PKN2: variants seen among roughly 807,000 people sequenced by gnomAD.
The protein encoded by PKN2 is serine/threonine-protein kinase N2.
A neutral mutation model predicts 119.1 loss-of-function variants in PKN2; 38 were observed. That is an observed-to-expected ratio of 0.32 (90% confidence interval 0.25 to 0.42). The LOEUF (loss-of-function observed/expected upper bound fraction) is 0.42, where lower values mean the gene tolerates loss of function less well. PKN2 is among the 10% of genes least tolerant of loss of function. PKN2 has a pLI of 1.00. For missense variants in PKN2, 850 were observed against 1,165.1 expected (o/e 0.73, Z 3.94); for synonymous variants, 390 against 384.9 (o/e 1.01, Z -0.15).
chr1:88,762,642 T>G (rs1006807673), intron 3 of PKN2, among the ~76,000 whole-genome samples: 2 of 152,218 alleles, frequency 1.3e-5, no homozygotes, highest in African/African-American at 4.8e-5. Flanking sequence ...TATAATATCC[T>G]GCTTTTAAGA....
intron 6 of PKN2, among the ~76,000 whole-genome samples, chr1:88,777,238 TTC>T (rs1451975989): frequency 2.6e-5 from 4 of 152,118 alleles, no homozygotes; most frequent in Admixed American, 6.5e-5. Flanking sequence ...ATTCCAGAAT[TTC>T]TGTTTGGTTC....
chr1:88,755,365 G>A (rs140776449), intron 2 of PKN2, among the ~76,000 whole-genome samples: 100 of 152,146 alleles, frequency 6.6e-4, no homozygotes, highest in African/African-American at 2.2e-3. Context: ...TGACAGCAGT[G>A]TTTCTCTGAT....
At chr1:88,797,658 A>C (rs1235236397) in intron 8 of PKN2, among the ~76,000 whole-genome samples, 1 of 148,330 alleles carries the variant, frequency 6.7e-6, no homozygotes, top group African/African-American at 2.4e-5. Context: ...AAAAAGAGAG[A>C]GAATGTCTTC....
At chr1:88,692,327 A>T (rs115287883) in intron 1 of PKN2, among the ~76,000 whole-genome samples, 2 of 152,096 alleles carry the variant, frequency 1.3e-5, no homozygotes, top group Non-Finnish European at 2.9e-5. Flanking sequence ...CAAAGATCCT[A>T]TGGACAGTCT....
At chr1:88,797,883 C>G (rs1422009376) in intron 8 of PKN2, among the ~76,000 whole-genome samples, 6 of 152,060 alleles carry the variant, frequency 3.9e-5, no homozygotes, top group Admixed American at 2.6e-4. Flanking sequence ...AATCCCAGCA[C>G]TTTGGGAGGC....
rs758257960 is a variant in PKN2 at position 88,804,810 on chromosome 1, C to G, written c.1426-36C>G. 5.4e-6 allele frequency: 6 copies of G among 1,109,224 alleles called. No individual in the cohort carries two copies. In the South Asian group the frequency reaches 8.2e-5, roughly 15 times the overall value. The allele number at this position is 1,109,224 out of a possible 1,614,324, so 68.7% of individuals were successfully genotyped here. ...AATTTAGTAGATTTCATGAACCATG[C>G]TATTTTCATGTCAACTTGAATTTTC... On this transcript the variant is annotated intron_variant, in intron 9 of 21. Transcript: ENST00000370521.
At chr1:88,755,387 G>A (rs1557589693) in intron 2 of PKN2, among the ~76,000 whole-genome samples, 3 of 151,950 alleles carry the variant, frequency 2.0e-5, no homozygotes. Flanking sequence ...TCTAATTGGG[G>A]AAAAAAAGTG....
chr1:88,800,535 A>G (rs1671261646), intron 8 of PKN2, among the ~76,000 whole-genome samples: 1 of 152,142 alleles, frequency 6.6e-6, no homozygotes, highest in African/African-American at 2.4e-5. Context: ...GGAATATGGA[A>G]TATTCTAATG....
At chr1:88,802,820 T>C (rs1206418151) in intron 8 of PKN2, among the ~76,000 whole-genome samples, 1 of 152,186 alleles carries the variant, frequency 6.6e-6, no homozygotes, top group Non-Finnish European at 1.5e-5. Context: ...AAGTATTAAT[T>C]CTGTCTCTAG....
At chr1:88,796,966 A>C (rs1448578600) in intron 8 of PKN2, among the ~76,000 whole-genome samples, 1 of 151,974 alleles carries the variant, frequency 6.6e-6, no homozygotes, top group Non-Finnish European at 1.5e-5. Context: ...AAAGAATACA[A>C]CACACTCTAG....
At chr1:88,703,199 A>G (rs1372127156) in intron 1 of PKN2, among the ~76,000 whole-genome samples, 2 of 152,058 alleles carry the variant, frequency 1.3e-5, no homozygotes, top group East Asian at 1.9e-4. Context: ...CTGAGCAACC[A>G]AAGTTTTTTT....
chr1:88,784,268 C>T (rs1000880728), intron 6 of PKN2, among the ~76,000 whole-genome samples: 1 of 151,140 alleles, frequency 6.6e-6, no homozygotes, highest in African/African-American at 2.4e-5. Context: ...GGACTACAGG[C>T]GCACACCGCC....
At chr1:88,767,767 G>A (rs915081653) in intron 3 of PKN2, among the ~76,000 whole-genome samples, 1 of 152,146 alleles carries the variant, frequency 6.6e-6, no homozygotes, top group South Asian at 2.1e-4. Context: ...TCATAAATAT[G>A]CAATTATTTT....
chr1:88,771,696 T>C lies in PKN2; in HGVS notation c.802T>C (p.Leu268=), dbSNP rs368591525. Residue 268 remains leucine (L), a synonymous_variant, in exon 6 of 22, where the codon TTG becomes CTG. Coordinates refer to ENST00000370521, the MANE Select transcript of PKN2 (RefSeq NM_006256.4). The stretch of plus-strand genomic sequence containing the variant: ...AAGATTTAATGAATCAAGTCAGAAG[T>C]TGGACCTTTTAAAGTATTCATTAGA... ...QARFNESSQK[L]DLLKYSLEQR... 21 of 1,613,900 alleles carry C rather than the reference T, an allele frequency of 1.3e-5. No individual in the cohort carries two copies. The African/African-American group carries it at 2.4e-4, about 18-fold the overall frequency.
At chr1:88,750,792 C>T (rs1344198932) in intron 2 of PKN2, among the ~76,000 whole-genome samples, 2 of 152,032 alleles carry the variant, frequency 1.3e-5, no homozygotes, top group East Asian at 1.9e-4. Flanking sequence ...CCTTTTTTCC[C>T]CACCTTCAAC....
intron 8 of PKN2, among the ~76,000 whole-genome samples, chr1:88,799,355 T>C (rs144966281): frequency 1.0e-3 from 152 of 152,354 alleles, no homozygotes; most frequent in African/African-American, 3.6e-3. Flanking sequence ...TTGTCACATT[T>C]GTTCCAGCTG....
chr1:88,728,032 T>TG (rs1667968129), intron 1 of PKN2, among the ~76,000 whole-genome samples: 1 of 151,352 alleles, frequency 6.6e-6, no homozygotes, highest in South Asian at 2.1e-4. Context: ...TTTTTTTTTT[T>TG]TTATTCTTTG....
At chr1:88,792,976 G>A (rs990019279) in intron 8 of PKN2, among the ~76,000 whole-genome samples, 10 of 152,162 alleles carry the variant, frequency 6.6e-5, no homozygotes, top group Non-Finnish European at 1.3e-4. Context: ...ACTGCCATAT[G>A]CAATTTACTA....
intron 16 of PKN2, among the ~76,000 whole-genome samples, chr1:88,814,071 CTG>C (rs1282485453): frequency 6.6e-6 from 1 of 151,594 alleles, no homozygotes; most frequent in Non-Finnish European, 1.5e-5. Flanking sequence ...TCAAAATGCA[CTG>C]TTAAGTTTTT....
Sources: allele counts gnomAD v4.1 joint callset (sites outside exome capture counted in the v4.1 genomes callset), GRCh38; gene constraint gnomAD v4.1.1; transcripts MANE v1.5; gene names NCBI Gene and HGNC (gene_info 2026-07-23, HGNC 2026-07-21).